Variants in UBR3 observed in about 807,000 individuals in gnomAD.
The protein encoded by UBR3 is ubiquitin protein ligase E3 component n-recognin 3.
A neutral mutation model predicts 243.2 loss-of-function variants in UBR3; 85 were observed. That is an observed-to-expected ratio of 0.35 (90% confidence interval 0.29 to 0.42). The LOEUF (loss-of-function observed/expected upper bound fraction) is 0.42. Ranked by LOEUF, UBR3 falls within the 10% of genes least tolerant of loss-of-function variation. The probability of loss-of-function intolerance (pLI) is 1.00; values close to 1 mark genes in which losing one functional copy is unlikely to be tolerated. For synonymous variants in UBR3, 748 were observed against 799.8 expected (o/e 0.94, Z 1.09); for missense variants, 1,686 against 2,300.8 (o/e 0.73, Z 5.47).
intron 30 of UBR3, among the ~76,000 whole-genome samples, chr2:170,020,124 G>A (rs1291255732): frequency 6.6e-6 from 1 of 152,044 alleles, no homozygotes; most frequent in Non-Finnish European, 1.5e-5. Context: ...TTCACACTTA[G>A]TAGTAAAATT....
intron 20 of UBR3, among the ~76,000 whole-genome samples, chr2:169,944,027 A>G (rs11681209): frequency 0.42 from 64,351 of 151,938 alleles, 15,242 homozygotes; most frequent in Non-Finnish European, 0.54. Flanking sequence ...ATTTTCATTA[A>G]CTTCCAAGAG....
Position 170,081,730 on chromosome 2 carries a change from G to C in UBR3, c.5554G>C (p.Gly1852Arg). ...TTTTTTTTCTTTTTGTTCTAGGCGAGGCAAACCTCTCTACATTTGTAAGGA... is the reference window on the plus strand; with the variant it reads ...TTTTTTTTCTTTTTGTTCTAGGCGACGCAAACCTCTCTACATTTGTAAGGA... ...HGEEDRDLRR[G>R]KPLYICKERY... The change falls in exon 39 of 39, where the codon GGC becomes CGC. Residue 1852 changes from glycine to arginine, a missense_variant. By Grantham distance (125) the Gly-to-Arg change is moderately radical. Transcript: ENST00000272793. 6.3e-7 allele frequency: 1 copy of C among 1,598,226 alleles called. No homozygotes were observed. The highest frequency in any genetic ancestry group is 8.5e-7 in the Non-Finnish European group (1 of 1,173,262).
intron 1 of UBR3, among the ~76,000 whole-genome samples, chr2:169,855,552 C>T (rs1417222806): frequency 6.6e-6 from 1 of 151,924 alleles, no homozygotes; most frequent in Non-Finnish European, 1.5e-5. Flanking sequence ...GGTGATGACT[C>T]TTAACGAGCA....
chr2:170,033,458 G>C (rs2090733532), intron 31 of UBR3, among the ~76,000 whole-genome samples: 2 of 151,596 alleles, frequency 1.3e-5, no homozygotes, highest in African/African-American at 2.4e-5. Context: ...GAGGAACGGA[G>C]CTGAGATTTT....
intron 10 of UBR3, among the ~76,000 whole-genome samples, chr2:169,911,838 T>C: frequency 6.6e-6 from 1 of 152,160 alleles, no homozygotes; most frequent in East Asian, 1.9e-4. Flanking sequence ...TATGATAACT[T>C]ATAAGTGCCA....
At chr2:169,846,727 A>T (rs971716306) in intron 1 of UBR3, among the ~76,000 whole-genome samples, 40 of 151,452 alleles carry the variant, frequency 2.6e-4, no homozygotes, top group Admixed American at 2.6e-3. Context: ...AAAAAAAAAA[A>T]TCTTCTTTTA....
chr2:170,048,089 C>G (rs1559216356), intron 32 of UBR3, among the ~76,000 whole-genome samples: 1 of 152,122 alleles, frequency 6.6e-6, no homozygotes, highest in Non-Finnish European at 1.5e-5. Context: ...TCTGCTTACT[C>G]CTTAGAAAAT....
At chr2:170,040,840 A>C in intron 31 of UBR3, 42 bp from the exon 32 acceptor site, 2 of 1,406,726 alleles carry the variant, frequency 1.4e-6, no homozygotes, top group Non-Finnish European at 2.0e-6. Context: ...TAGAAAGAGA[A>C]GATATACAAT....
At chr2:169,935,573 C>T (rs1220853308) in intron 19 of UBR3, among the ~76,000 whole-genome samples, 2 of 152,186 alleles carry the variant, frequency 1.3e-5, no homozygotes, top group African/African-American at 2.4e-5. Flanking sequence ...CTGTAAAGTA[C>T]ATTTTTTAAA....
chr2:169,926,799 T>C (rs1455397716), intron 15 of UBR3, 39 bp from the exon 16 acceptor site: 1 of 1,544,766 alleles, frequency 6.5e-7, no homozygotes, highest in East Asian at 2.4e-5. Context: ...AATTTTGTTT[T>C]AATTTATAAA....
chr2:170,049,245 A>G (rs1339697410), intron 32 of UBR3, among the ~76,000 whole-genome samples: 1 of 152,234 alleles, frequency 6.6e-6, no homozygotes, highest in Non-Finnish European at 1.5e-5. Flanking sequence ...ATGTAAGGCT[A>G]GAGAAAAGAA....
chr2:170,073,675 A>T, intron 36 of UBR3, 68 bp downstream of exon 36: 1 of 1,493,418 alleles, frequency 6.7e-7, no homozygotes, highest in Non-Finnish European at 9.0e-7. Flanking sequence ...AATAATGAGG[A>T]CTGTTAAATT....
At chr2:169,837,630 G>T (rs779121853) in intron 1 of UBR3, among the ~76,000 whole-genome samples, 2 of 152,304 alleles carry the variant, frequency 1.3e-5, no homozygotes, top group Middle Eastern at 3.4e-3. Context: ...GGGGAGAAGC[G>T]AGCAGGGGAA....
At chr2:169,942,392 C>A in intron 19 of UBR3, 101 bp from the exon 20 acceptor site, 1 of 1,192,346 alleles carries the variant, frequency 8.4e-7, no homozygotes, top group Non-Finnish European at 1.1e-6. Context: ...AATAGCACTG[C>A]ATAAAATATT....
At chr2:169,947,270 T>C (rs887394102) in intron 21 of UBR3, 2 of 220,200 alleles carry the variant, frequency 9.1e-6, no homozygotes, top group African/African-American at 4.5e-5. Flanking sequence ...TTCAGTATTC[T>C]AGATTGAAAA....
At chr2:170,029,659 A>T (rs1397128937) in intron 31 of UBR3, among the ~76,000 whole-genome samples, 1 of 152,092 alleles carries the variant, frequency 6.6e-6, no homozygotes, top group African/African-American at 2.4e-5. Flanking sequence ...AAATCTTTTA[A>T]AGAATCCCAC....
At chr2:169,863,478 T>A (rs920899183) in intron 1 of UBR3, among the ~76,000 whole-genome samples, 1 of 152,218 alleles carries the variant, frequency 6.6e-6, no homozygotes, top group Non-Finnish European at 1.5e-5. Context: ...TGCTGTAACA[T>A]CCTTCCCCAC....
intron 35 of UBR3, among the ~76,000 whole-genome samples, chr2:170,065,300 C>T (rs959408557): frequency 1.1e-4 from 17 of 150,968 alleles, no homozygotes; most frequent in Non-Finnish European, 1.5e-4. Context: ...TTTGGGTGGG[C>T]GGGAGGAAGA....
chr2:169,906,239 A>G, intron 10 of UBR3, 75 bp downstream of exon 10: 3 of 1,456,332 alleles, frequency 2.1e-6, no homozygotes, highest in African/African-American at 1.4e-5. Flanking sequence ...GTTCATTTGT[A>G]TATAATGTGC....
Sources: gnomAD v4.1 joint callset for allele counts (sites outside exome capture counted in the v4.1 genomes callset) on GRCh38, gnomAD v4.1.1 for gene constraint, MANE v1.5 for transcripts, NCBI Gene and HGNC (gene_info 2026-07-23, HGNC 2026-07-21) for gene names.